The following PRR16 variants were observed in gnomAD, a reference collection of about 807,000 sequenced individuals.
The protein encoded by PRR16 is protein Largen.
A neutral mutation model predicts 18.2 loss-of-function variants in PRR16; 6 were observed. The observed-to-expected ratio is 0.33, with a 90% CI of 0.18 to 0.65. The LOEUF (loss-of-function observed/expected upper bound fraction) is 0.65, where lower values mean the gene tolerates loss of function less well. Ranked by LOEUF, PRR16 falls within the 30% of genes least tolerant of loss-of-function variation. The pLI is 0.74. For synonymous variants in PRR16, 151 were observed against 147.8 expected (o/e 1.02, Z -0.16); for missense variants, 412 against 376.6 (o/e 1.09, Z -0.78).
At chr5:120,751,602 G>A in the PRR16 span, among the ~76,000 whole-genome samples, 2 of 151,756 alleles carry the variant, frequency 1.3e-5, no homozygotes, top group African/African-American at 4.8e-5. Context: ...TATTTTCAGA[G>A]AACTTACCTC....
intron 1 of PRR16, among the ~76,000 whole-genome samples, chr5:120,479,882 A>C (rs1386104320): frequency 1.3e-5 from 2 of 152,170 alleles, no homozygotes; most frequent in African/African-American, 2.4e-5. Flanking sequence ...AGTCATCATT[A>C]GATGAAGTAA....
chr5:120,695,668 C>T, the PRR16 span, among the ~76,000 whole-genome samples: 6 of 152,124 alleles, frequency 3.9e-5, no homozygotes, highest in African/African-American at 1.2e-4. Context: ...AAAATTCTTA[C>T]GTCTGGTCTT....
intron 1 of PRR16, among the ~76,000 whole-genome samples, chr5:120,621,123 T>G (rs1334577218): frequency 6.6e-6 from 1 of 152,164 alleles, no homozygotes; most frequent in Non-Finnish European, 1.5e-5. Flanking sequence ...TACTTGCAAC[T>G]TTTCAGTCCT....
At chr5:120,702,262 AT>A in the PRR16 span, among the ~76,000 whole-genome samples, 1 of 50,966 alleles carries the variant, frequency 2.0e-5, no homozygotes, top group Non-Finnish European at 4.9e-5. Context: ...GGGCACGGAA[AT>A]AAGGGGTCGG....
intron 1 of PRR16, among the ~76,000 whole-genome samples, chr5:120,491,567 G>A (rs936024841): frequency 2.7e-5 from 4 of 150,402 alleles, no homozygotes; most frequent in Admixed American, 1.3e-4. Context: ...CTTACATGAT[G>A]GAGTCTTGCC....
chr5:120,600,187 A>G (rs113235492), intron 1 of PRR16, among the ~76,000 whole-genome samples: 9 of 151,790 alleles, frequency 5.9e-5, no homozygotes, highest in Non-Finnish European at 8.8e-5. Flanking sequence ...TGTTTTATCA[A>G]TCATATTATC....
At chr5:120,664,647 C>G (rs1756301902) in intron 1 of PRR16, among the ~76,000 whole-genome samples, 1 of 151,992 alleles carries the variant, frequency 6.6e-6, no homozygotes, top group Middle Eastern at 3.4e-3. Context: ...GTGATGTTCC[C>G]CTTCCTGTGT....
chr5:120,768,664 A>G, the PRR16 span, among the ~76,000 whole-genome samples: 2 of 151,586 alleles, frequency 1.3e-5, no homozygotes, highest in Non-Finnish European at 3.0e-5. Context: ...AATTATTTTG[A>G]AAAAAAATAA....
intron 1 of PRR16, among the ~76,000 whole-genome samples, chr5:120,582,016 C>T (rs1034992621): frequency 3.3e-5 from 5 of 152,020 alleles, no homozygotes; most frequent in African/African-American, 4.8e-5. Flanking sequence ...GTATGTTTAT[C>T]GCAGCACAAT....
At chr5:120,708,023 T>C in the PRR16 span, among the ~76,000 whole-genome samples, 2 of 152,250 alleles carry the variant, frequency 1.3e-5, no homozygotes, top group African/African-American at 4.8e-5. Flanking sequence ...TAATTTTCTC[T>C]GTACAGGATC....
chr5:120,605,566 G>A (rs1025529117), intron 1 of PRR16, among the ~76,000 whole-genome samples: 6 of 152,108 alleles, frequency 3.9e-5, no homozygotes, highest in Non-Finnish European at 5.9e-5. Context: ...CAGCTAGTGT[G>A]GTCACGTGGA....
At chr5:120,755,777 C>CTA in the PRR16 span, among the ~76,000 whole-genome samples, 1 of 152,006 alleles carries the variant, frequency 6.6e-6, no homozygotes, top group Non-Finnish European at 1.5e-5. Flanking sequence ...TGACTCTTGA[C>CTA]TATGAGTAGT....
At chr5:120,611,102 C>A (rs571215502) in intron 1 of PRR16, among the ~76,000 whole-genome samples, 73 of 152,202 alleles carry the variant, frequency 4.8e-4, no homozygotes, top group African/African-American at 1.7e-3. Flanking sequence ...TGCCCCTGCC[C>A]TAGAGATTTG....
intron 1 of PRR16, among the ~76,000 whole-genome samples, chr5:120,563,285 C>A (rs1752632405): frequency 6.6e-6 from 1 of 152,184 alleles, no homozygotes; most frequent in Non-Finnish European, 1.5e-5. Flanking sequence ...GATCTACAAT[C>A]AGCAAGTGGC....
rs369878596 is a variant in PRR16, at chr5:120,647,274, C to T, written c.160-38680C>T. Among the ~76,000 whole-genome samples the T allele has an allele frequency of 5.3e-5, 8 of 151,862 alleles. No homozygotes were observed. The East Asian group carries it at 1.4e-3, about 26-fold the overall frequency. ...TTGCCTAATATGTCTTGGCTTTAAC[C>T]ATATATTTGTAGAACAGAAAAGGGT... On this transcript the variant is annotated intron_variant, in intron 1 of 1. Coordinates refer to ENST00000407149, the MANE Select transcript of PRR16 (RefSeq NM_001300783.2).
intron 1 of PRR16, among the ~76,000 whole-genome samples, chr5:120,612,360 G>A (rs1195358045): frequency 6.6e-6 from 1 of 152,104 alleles, no homozygotes; most frequent in East Asian, 1.9e-4. Context: ...AGATTTGGAG[G>A]GGCCAGGGGT....
downstream of PRR16, among the ~76,000 whole-genome samples, chr5:120,688,939 G>T (rs2150158380): frequency 6.6e-6 from 1 of 152,248 alleles, no homozygotes; most frequent in East Asian, 1.9e-4. Flanking sequence ...TATAGGCAAA[G>T]CTTCTCCATG....
At chr5:120,689,718 A>T (rs938696207), downstream of PRR16, among the ~76,000 whole-genome samples, 10 of 151,978 alleles carry the variant, frequency 6.6e-5, no homozygotes, top group Admixed American at 6.6e-4. Flanking sequence ...TTCAAAAGGC[A>T]TGGTAATCAT....
At chr5:120,635,014 G>T (rs1450944619) in intron 1 of PRR16, among the ~76,000 whole-genome samples, 5 of 152,082 alleles carry the variant, frequency 3.3e-5, no homozygotes, top group Non-Finnish European at 5.9e-5. Flanking sequence ...TAGAAAACCT[G>T]TAGGAGATTA....
Sources: allele counts gnomAD v4.1 joint callset (sites outside exome capture counted in the v4.1 genomes callset), GRCh38; gene constraint gnomAD v4.1.1; transcripts MANE v1.5; gene names NCBI Gene and HGNC (gene_info 2026-07-23, HGNC 2026-07-21).